Variants in TRIP12 observed in about 807,000 individuals in gnomAD.
TRIP12 encodes the protein thyroid hormone receptor interactor 12.
In TRIP12, 25 loss-of-function variants were observed where a neutral mutation model predicts 244.2. The observed-to-expected ratio is 0.10, with a 90% CI of 0.07 to 0.14. The LOEUF is 0.14. Among genes scored for constraint, TRIP12 ranks in the 10% least tolerant of loss-of-function variants. The pLI, the probability that TRIP12 is intolerant of heterozygous loss-of-function variation, is 1.00. For missense variants in TRIP12, 1,677 were observed against 2,486.4 expected, an observed-to-expected ratio of 0.67 and a Z score of 6.92; for synonymous variants, 905 against 873.1, an observed-to-expected ratio of 1.04 and a Z score of -0.64.
chr2:229,877,249 A>C (rs1410393454), intron 2 of TRIP12, among the ~76,000 whole-genome samples: 2 of 152,034 alleles, frequency 1.3e-5, no homozygotes, highest in African/African-American at 2.4e-5. Context: ...CAATTTACAA[A>C]ATTTTTTAGG....
chr2:229,822,367 T>C (rs868256720), intron 8 of TRIP12, among the ~76,000 whole-genome samples: 1 of 152,204 alleles, frequency 6.6e-6, no homozygotes, highest in South Asian at 2.1e-4. Flanking sequence ...TTGCCACATT[T>C]TGAGACTGCT....
chr2:229,779,348 C>T (rs973536357), intron 34 of TRIP12, among the ~76,000 whole-genome samples: 1 of 152,180 alleles, frequency 6.6e-6, no homozygotes, highest in African/African-American at 2.4e-5. Context: ...CCAAAACCAG[C>T]TCAAATGTCA....
intron 4 of TRIP12, 96 bp downstream of exon 4, chr2:229,858,676 G>T: frequency 9.6e-7 from 1 of 1,044,586 alleles, no homozygotes; most frequent in Non-Finnish European, 1.4e-6. Context: ...ATCTAAGACT[G>T]GGGGGAAAAA....
intron 3 of TRIP12, 48 bp downstream of exon 3, chr2:229,860,358 A>G (rs1187533872): frequency 6.4e-7 from 1 of 1,570,898 alleles, no homozygotes; most frequent in Non-Finnish European, 8.6e-7. Context: ...AATGATTTGA[A>G]TGCAAATAAT....
intron 1 of TRIP12, chr2:229,921,123 T>G (rs1007829877): frequency 1.5e-4 from 23 of 152,104 alleles, no homozygotes; most frequent in African/African-American, 5.6e-4. Flanking sequence ...CTCGGCTTCT[T>G]TAGGCCTCCC....
chr2:229,849,916 T>A lies in TRIP12; in HGVS notation c.1027+8856A>T, dbSNP rs114107756. ...AGTGTTGATAAATATAAAGTGAAAA[T>A]TTTTGGCATAATACACACCAAAAAA... On this transcript the variant is annotated intron_variant, in intron 4 of 41. Coordinates refer to ENST00000675903, the MANE Select transcript of TRIP12 (RefSeq NM_001348323.3). Among the ~76,000 whole-genome samples the A allele has an allele frequency of 6.6e-3, 906 of 137,544 alleles. 6 individuals are homozygous for A. The highest frequency in any genetic ancestry group is 0.023 in the African/African-American group (852 of 36,506). 90.2% of individuals were successfully genotyped at this position (137,544 alleles called of 152,430 possible).
intron 19 of TRIP12, 66 bp downstream of exon 19, chr2:229,803,933 A>C: frequency 5.1e-6 from 7 of 1,385,024 alleles, no homozygotes; most frequent in Middle Eastern, 2.2e-4. Context: ...ATTACTTTAG[A>C]GGTTTCTGAA....
At chr2:229,810,280 G>A (rs1263687410) in intron 15 of TRIP12, among the ~76,000 whole-genome samples, 2 of 152,188 alleles carry the variant, frequency 1.3e-5, no homozygotes, top group Non-Finnish European at 2.9e-5. Context: ...TTAAGTCTAA[G>A]GATTGAGAGA....
At chr2:229,770,142 T>C (rs2033685164) in intron 39 of TRIP12, among the ~76,000 whole-genome samples, 1 of 152,106 alleles carries the variant, frequency 6.6e-6, no homozygotes. Flanking sequence ...AGCTAATTAT[T>C]TTTTTTATTT....
intron 17 of TRIP12, chr2:229,807,501 G>A (rs2046166574): frequency 6.5e-6 from 4 of 611,096 alleles, no homozygotes; most frequent in Non-Finnish European, 1.2e-5. Context: ...AGTCAATCAG[G>A]TAGTTAGCAG....
At position 229,771,548 on chromosome 2, in the gene TRIP12, T is replaced by G; in HGVS notation, c.5779A>C (p.Ser1927Arg). 1 of 1,614,050 alleles carries G rather than the reference T, an allele frequency of 6.2e-7. No homozygotes were observed. Among genetic ancestry groups the G allele is most frequent in the Non-Finnish European group, 8.5e-7 (1 of 1,179,904 alleles). ...TCCGGGTAGAAGTACTGAAGATGAC[T>G]GAGTGGGAAGACTGATTCAAATCCA... is the stretch of plus-strand genomic sequence containing the variant. ...RDGFESVFPL[S>R]HLQYFYPEEL... Residue 1927 changes from serine (S) to arginine (R), a missense_variant, in exon 39 of 42, where the codon AGT becomes CGT. This residue lies in a region of TRIP12 where 171 missense variants were observed against 388.4 expected (regional missense o/e 0.44). Transcript: ENST00000675903.
chr2:229,842,919 T>C (rs2056792868), intron 4 of TRIP12, among the ~76,000 whole-genome samples: 1 of 152,228 alleles, frequency 6.6e-6, no homozygotes, highest in East Asian at 1.9e-4. Context: ...AATATACTTA[T>C]TGTGAGTGGT....
chr2:229,910,195 G>A (rs2154376746), intron 1 of TRIP12, among the ~76,000 whole-genome samples: 1 of 152,238 alleles, frequency 6.6e-6, no homozygotes, highest in East Asian at 1.9e-4. Flanking sequence ...ACTGTCTGAA[G>A]AAATATGGAA....
At chr2:229,862,957 C>T (rs1402578251) in intron 2 of TRIP12, among the ~76,000 whole-genome samples, 6 of 152,090 alleles carry the variant, frequency 3.9e-5, no homozygotes, top group South Asian at 2.1e-4. Flanking sequence ...CAGCAGGGCA[C>T]GGTGGCTCAT....
At chr2:229,853,073 TA>T (rs2059000992) in intron 4 of TRIP12, among the ~76,000 whole-genome samples, 1 of 152,210 alleles carries the variant, frequency 6.6e-6, no homozygotes, top group Non-Finnish European at 1.5e-5. Flanking sequence ...CTACAATTTT[TA>T]AAACATTTCC....
intron 1 of TRIP12, among the ~76,000 whole-genome samples, chr2:229,915,692 TAA>T (rs11291133): frequency 8.3e-4 from 121 of 146,476 alleles, no homozygotes; most frequent in Middle Eastern, 3.4e-3. Context: ...TATTGTATAC[TAA>T]AAAAAAAAAA....
chr2:229,807,852 T>C lies in TRIP12; in HGVS notation c.2352A>G (p.Pro784=), dbSNP rs144258567. ...CAAAAATGCCTTCTTTTGGTAAACA[T>C]GGCATAAGTTCACTGAAAACAAAAA... ...ELTSLICELM[P]CLPKEGIFAV... is the part of the protein sequence containing the mutation. The change falls in exon 17 of 42, where the codon CCA becomes CCG. Residue 784 remains proline (P), a synonymous_variant. Transcript: ENST00000675903. The C allele has an allele frequency of 8.9e-5, 143 of 1,613,446 alleles. No homozygotes were observed. The highest frequency in any genetic ancestry group is 1.2e-4 in the Non-Finnish European group (137 of 1,179,636).
At chr2:229,867,403 T>C (rs1233967773) in intron 2 of TRIP12, among the ~76,000 whole-genome samples, 1 of 152,066 alleles carries the variant, frequency 6.6e-6, no homozygotes, top group African/African-American at 2.4e-5. Flanking sequence ...TGACCTCAAA[T>C]GATCCTCCTG....
intron 1 of TRIP12, among the ~76,000 whole-genome samples, chr2:229,882,151 G>C (rs1371308922): frequency 6.6e-6 from 1 of 152,162 alleles, no homozygotes; most frequent in Admixed American, 6.5e-5. Flanking sequence ...CAGTTGTGAA[G>C]ATCAAATGAT....
Sources: allele counts gnomAD v4.1 joint callset (sites outside exome capture counted in the v4.1 genomes callset), GRCh38; gene constraint gnomAD v4.1.1; regional missense constraint gnomAD v4.1.1; transcripts MANE v1.5; gene names NCBI Gene and HGNC (gene_info 2026-07-23, HGNC 2026-07-21).